The following NWD2 variants were observed in gnomAD, a reference collection of about 807,000 sequenced individuals.
NWD2 encodes the protein NACHT and WD repeat domain-containing protein 2.
NWD2 carries 37 observed loss-of-function variants against 132.7 expected under a neutral mutation model. The observed-to-expected ratio is 0.28, with a 90% CI of 0.21 to 0.37. The LOEUF is 0.37. NWD2 is among the 10% of genes least tolerant of loss of function. The pLI is 1.00. For synonymous variants in NWD2, 705 were observed against 803.0 expected, an observed-to-expected ratio of 0.88 and a Z score of 2.06; for missense variants, 1,592 against 2,122.4, an observed-to-expected ratio of 0.75 and a Z score of 4.91.
intron 3 of NWD2, among the ~76,000 whole-genome samples, chr4:37,396,752 G>T (rs1720798669): frequency 6.6e-6 from 1 of 152,154 alleles, no homozygotes; most frequent in South Asian, 2.1e-4. Context: ...GCAAAGCGAG[G>T]CTGGGCACGG....
chr4:37,427,286 C>A (rs1257946197), intron 3 of NWD2, among the ~76,000 whole-genome samples: 1 of 152,132 alleles, frequency 6.6e-6, no homozygotes, highest in Non-Finnish European at 1.5e-5. Context: ...TGGCACACAA[C>A]CCTGACAAAG....
chr4:37,318,137 C>T (rs1656215), intron 1 of NWD2, among the ~76,000 whole-genome samples: 11,087 of 151,484 alleles, frequency 0.073, 1,250 homozygotes, highest in African/African-American at 0.24. Context: ...GTGATTCTCC[C>T]GCCTCAGCCT....
rs1031386419 is a variant in NWD2 at position 37,357,928 on chromosome 4, A to G, written c.357+1446A>G. The stretch of plus-strand genomic sequence containing the variant: ...GTGGATATTCCAAGTCAGGTATTCC[A>G]GGAAGAGGGGTTGGCATGTTCAGGA... On this transcript the variant is annotated intron_variant, in intron 3 of 6. Coordinates refer to ENST00000309447, the MANE Select transcript of NWD2 (RefSeq NM_001144990.2). Among the ~76,000 whole-genome samples, 16 of 152,220 alleles carry G rather than the reference A, an allele frequency of 1.1e-4. No homozygotes were observed. The East Asian group carries it at 2.9e-3, about 28-fold the overall frequency.
In NWD2 at chr4:37,313,152, T is replaced by C. The variant is rs1404057807; in HGVS notation, c.152-12784T>C. Among the ~76,000 whole-genome samples the C allele has an allele frequency of 2.0e-5, 3 of 151,260 alleles. 1 individual carries two copies. Among genetic ancestry groups the C allele is most frequent in the African/African-American group, 7.4e-5 (3 of 40,514 alleles). Reference sequence around the variant, plus strand: ...ATGAGGCTGGCCTCATAAAATGAGTTAGGGAGGATTCCCTCTTTTTCTGTT... The same window carrying C: ...ATGAGGCTGGCCTCATAAAATGAGTCAGGGAGGATTCCCTCTTTTTCTGTT... On this transcript the variant is annotated intron_variant, in intron 1 of 6. Coordinates refer to ENST00000309447, the MANE Select transcript of NWD2 (RefSeq NM_001144990.2).
At chr4:37,365,020 T>C (rs1372869347) in intron 3 of NWD2, among the ~76,000 whole-genome samples, 1 of 152,204 alleles carries the variant, frequency 6.6e-6, no homozygotes, top group Non-Finnish European at 1.5e-5. Context: ...TTTTTGTATA[T>C]CACTGAGTTA....
chr4:37,430,278 A>G (rs1487179669), intron 3 of NWD2, among the ~76,000 whole-genome samples: 1 of 152,222 alleles, frequency 6.6e-6, no homozygotes, highest in Non-Finnish European at 1.5e-5. Context: ...AGAGTAGATC[A>G]GCTTTTGTTG....
At chr4:37,386,413 G>C (rs995391892) in intron 3 of NWD2, among the ~76,000 whole-genome samples, 1 of 152,038 alleles carries the variant, frequency 6.6e-6, no homozygotes, top group African/African-American at 2.4e-5. Context: ...TTCTACCCAA[G>C]CCCTAAATGT....
intron 3 of NWD2, among the ~76,000 whole-genome samples, chr4:37,409,203 A>G (rs1721104761): frequency 6.6e-6 from 1 of 152,100 alleles, no homozygotes; most frequent in Non-Finnish European, 1.5e-5. Flanking sequence ...GGTAATAACA[A>G]ACTCCACCAA....
intron 3 of NWD2, among the ~76,000 whole-genome samples, chr4:37,410,127 T>A (rs1353150803): frequency 6.6e-6 from 1 of 152,176 alleles, no homozygotes; most frequent in Admixed American, 6.5e-5. Context: ...GCTAGCTTCA[T>A]AATGACGGGA....
At chr4:37,363,590 A>G (rs1328359522) in intron 3 of NWD2, among the ~76,000 whole-genome samples, 1 of 152,176 alleles carries the variant, frequency 6.6e-6, no homozygotes, top group Non-Finnish European at 1.5e-5. Context: ...AAAATTGGGT[A>G]CTCATGGACA....
At chr4:37,435,201 T>C (rs1712290830) in intron 5 of NWD2, among the ~76,000 whole-genome samples, 1 of 152,150 alleles carries the variant, frequency 6.6e-6, no homozygotes. Flanking sequence ...AGCATTTATT[T>C]TGAAAGTTGA....
intron 3 of NWD2, among the ~76,000 whole-genome samples, chr4:37,422,198 G>A (rs1299455902): frequency 6.6e-6 from 1 of 152,118 alleles, no homozygotes; most frequent in Non-Finnish European, 1.5e-5. Flanking sequence ...CTCAATTCCT[G>A]CAAACATAGC....
rs1478129452 is a variant in NWD2, at chr4:37,433,951, G to T, written c.637G>T (p.Ala213Ser). Residue 213 changes from alanine (A) to serine (S), a missense_variant, in exon 5 of 7, where the codon GCT (alanine) becomes TCT (serine). This residue lies in a region of NWD2 where 144 missense variants were observed against 185.7 expected (regional missense o/e 0.78). Coordinates refer to ENST00000309447, the MANE Select transcript of NWD2 (RefSeq NM_001144990.2). ...ISDEIKKIFK[A>S]AVKLLHEKGK... ...AGATGAGATCAAGAAGATATTTAAGGCTGCTGTAAAGCTGTTACACGAAAA... is the reference window on the plus strand; with the variant it reads ...AGATGAGATCAAGAAGATATTTAAGTCTGCTGTAAAGCTGTTACACGAAAA... 2 of 1,550,592 alleles carry T rather than the reference G, an allele frequency of 1.3e-6. No homozygotes were observed. The highest frequency in any genetic ancestry group is 8.7e-7 in the Non-Finnish European group (1 of 1,146,198).
At chr4:37,300,406 C>T (rs780807407) in intron 1 of NWD2, among the ~76,000 whole-genome samples, 19 of 152,032 alleles carry the variant, frequency 1.2e-4, no homozygotes, top group Non-Finnish European at 2.1e-4. Context: ...ATATATTATT[C>T]GAATTAGTAG....
chr4:37,306,959 G>A (rs1420807200), intron 1 of NWD2, among the ~76,000 whole-genome samples: 1 of 151,916 alleles, frequency 6.6e-6, no homozygotes, highest in Non-Finnish European at 1.5e-5. Context: ...GGGAGGTGGA[G>A]GTTGTAGTGA....
At chr4:37,310,524 C>T (rs1205445386) in intron 1 of NWD2, among the ~76,000 whole-genome samples, 2 of 152,036 alleles carry the variant, frequency 1.3e-5, no homozygotes, top group African/African-American at 2.4e-5. Flanking sequence ...TTGCACTGAC[C>T]AGAACCTCTT....
intron 3 of NWD2, among the ~76,000 whole-genome samples, chr4:37,411,141 G>C (rs1487988535): frequency 6.6e-6 from 1 of 152,214 alleles, no homozygotes; most frequent in Non-Finnish European, 1.5e-5. Flanking sequence ...AAATAACTAA[G>C]ATCAGAGCAG....
At chr4:37,438,414 T>G (rs774917494) in intron 5 of NWD2, among the ~76,000 whole-genome samples, 1 of 152,206 alleles carries the variant, frequency 6.6e-6, no homozygotes, top group Non-Finnish European at 1.5e-5. Flanking sequence ...TTCAGCCTCC[T>G]CCTCTTTCTT....
intron 1 of NWD2, among the ~76,000 whole-genome samples, chr4:37,282,120 C>T (rs991086565): frequency 6.6e-6 from 1 of 152,080 alleles, no homozygotes; most frequent in African/African-American, 2.4e-5. Flanking sequence ...ACTCAATGGC[C>T]TCTCAACTTT....
Sources: allele counts gnomAD v4.1 joint callset (sites outside exome capture counted in the v4.1 genomes callset), GRCh38; gene constraint gnomAD v4.1.1; regional missense constraint gnomAD v4.1.1; transcripts MANE v1.5; gene names NCBI Gene and HGNC (gene_info 2026-07-23, HGNC 2026-07-21).